ELL2: variants seen among roughly 807,000 people sequenced by gnomAD.
The protein encoded by ELL2 is RNA polymerase II elongation factor ELL2.
A neutral mutation model predicts 72.8 loss-of-function variants in ELL2; 21 were observed. The ratio of observed to expected loss-of-function variants is 0.29; its 90% CI spans 0.20 to 0.42. The LOEUF is 0.42. ELL2 is among the 10% of genes least tolerant of loss of function. The probability of loss-of-function intolerance (pLI) is 1.00; values close to 1 mark genes in which losing one functional copy is unlikely to be tolerated. For missense variants in ELL2, 568 were observed against 772.8 expected (o/e 0.73, Z 3.14); for synonymous variants, 266 against 283.2 (o/e 0.94, Z 0.61).
chr5:95,925,081 T>C (rs554757491), intron 2 of ELL2, among the ~76,000 whole-genome samples: 2 of 152,380 alleles, frequency 1.3e-5, no homozygotes, highest in African/African-American at 4.8e-5. Flanking sequence ...GATTGAGGTA[T>C]ACATTAGATT....
chr5:95,932,950 C>G (rs1440314211), intron 2 of ELL2, among the ~76,000 whole-genome samples: 1 of 152,158 alleles, frequency 6.6e-6, no homozygotes, highest in Non-Finnish European at 1.5e-5. Context: ...ATGAAAAACT[C>G]AAAACCACTC....
chr5:95,890,093 T>C (rs1428019990), intron 10 of ELL2, among the ~76,000 whole-genome samples: 1 of 152,176 alleles, frequency 6.6e-6, no homozygotes, highest in African/African-American at 2.4e-5. Flanking sequence ...CCTAACCAAG[T>C]AATCCTTGGA....
chr5:95,936,212 T>C (rs1047227044), intron 2 of ELL2, among the ~76,000 whole-genome samples: 2 of 152,222 alleles, frequency 1.3e-5, no homozygotes, highest in Non-Finnish European at 2.9e-5. Context: ...TAAATGTATT[T>C]GAAGGCCACT....
At position 95,920,389 on chromosome 5, in the gene ELL2, C is replaced by A. The variant is rs1270277502; in HGVS notation, c.196-844G>T. On this transcript the variant is annotated intron_variant, in intron 2 of 11. Transcript: ENST00000237853. Reference sequence around the variant, plus strand: ...GCAGTGGCGCGATCTTGGCTCACTGCAACCTCCACCTCCCCGGTTCAAGCA... The same window carrying A: ...GCAGTGGCGCGATCTTGGCTCACTGAAACCTCCACCTCCCCGGTTCAAGCA... 4.0e-5 allele frequency among the ~76,000 whole-genome samples: 6 copies of A among 151,740 alleles called. No homozygotes were observed. In the East Asian group the frequency reaches 1.2e-3, roughly 29 times the overall value.
intron 2 of ELL2, among the ~76,000 whole-genome samples, chr5:95,941,160 C>G (rs1561510992): frequency 6.6e-6 from 1 of 152,124 alleles, no homozygotes; most frequent in Non-Finnish European, 1.5e-5. Flanking sequence ...ATCCAATCAC[C>G]ATTTGCTTGG....
At chr5:95,894,164 C>T (rs1748775658) in intron 9 of ELL2, among the ~76,000 whole-genome samples, 1 of 152,130 alleles carries the variant, frequency 6.6e-6, no homozygotes, top group African/African-American at 2.4e-5. Context: ...CGCTTGAACC[C>T]TGGAGGTGGA....
chr5:95,932,617 T>C (rs1750637878), intron 2 of ELL2: 1 of 152,120 alleles, frequency 6.6e-6, no homozygotes, highest in Non-Finnish European at 1.5e-5. Context: ...TTTTATCCCC[T>C]GGCCAATAAC....
rs890403103 is a variant in ELL2 at position 95,886,623 on chromosome 5, G to A, written c.*2248C>T. The A allele has an allele frequency of 2.6e-5, 4 of 151,308 alleles. No individual in the cohort carries two copies. Among genetic ancestry groups the A allele is most frequent in the African/African-American group, 7.3e-5 (3 of 41,048 alleles). 9.4% of individuals were successfully genotyped at this position (151,308 alleles called of 1,614,324 possible). A position where few individuals can be genotyped will look rare whatever the true frequency, so the allele number is the denominator to read the frequency against. On this transcript the variant is annotated 3_prime_UTR_variant, in exon 12 of 12. Coordinates refer to ENST00000237853, the MANE Select transcript of ELL2 (RefSeq NM_012081.6). ...GGAGGTGCCTCAGATCATGCAAAGG[G>A]GAAAAGTGATTTGCACCTGCTGACA...
At chr5:95,948,066 C>T (rs1445408988) in intron 1 of ELL2, among the ~76,000 whole-genome samples, 1 of 152,018 alleles carries the variant, frequency 6.6e-6, no homozygotes, top group African/African-American at 2.4e-5. Context: ...TTAAAAGAAC[C>T]TCAAAGGCTT....
chr5:95,903,082 C>T (rs1218462909), intron 5 of ELL2, among the ~76,000 whole-genome samples: 2 of 151,830 alleles, frequency 1.3e-5, no homozygotes, highest in African/African-American at 4.8e-5. Context: ...CACTACGCCC[C>T]ACTGGCAATG....
intron 2 of ELL2, among the ~76,000 whole-genome samples, chr5:95,923,742 G>A (rs750058359): frequency 3.3e-5 from 5 of 152,152 alleles, no homozygotes; most frequent in Non-Finnish European, 7.3e-5. Flanking sequence ...AATGCAGATG[G>A]TATGGTCTGA....
At position 95,919,496 on chromosome 5, in the gene ELL2, T is replaced by A; in HGVS notation, c.245A>T (p.Asn82Ile). The change falls in exon 3 of 12, where the codon AAC becomes ATC. Residue 82 changes from asparagine to isoleucine, a missense_variant. Physicochemically the swap from Asn to Ile is moderately radical, Grantham distance 149 (BLOSUM62 -3). Around this residue, in one of 2 missense-constraint regions of ELL2, gnomAD observed 511 missense variants for 728.4 expected, o/e 0.70. Transcript: ENST00000237853. ...NDPLNEVHNF[N>I]FYLSNVGKDN... ...TTTGCCCACATTTGACAAATAAAAG[T>A]TAAAGTTATGAACTTCATTGAGGGG... 1 of 1,587,082 alleles carries A rather than the reference T, an allele frequency of 6.3e-7. No individual in the cohort carries two copies. The highest frequency in any genetic ancestry group is 8.5e-7 in the Non-Finnish European group (1 of 1,170,546).
At chr5:95,897,582 A>G (rs894880431) in intron 8 of ELL2, among the ~76,000 whole-genome samples, 1 of 152,212 alleles carries the variant, frequency 6.6e-6, no homozygotes, top group African/African-American at 2.4e-5. Flanking sequence ...AAGCTCCTAA[A>G]GCTTTGAAAT....
intron 2 of ELL2, among the ~76,000 whole-genome samples, chr5:95,939,494 C>T (rs1416202304): frequency 6.6e-6 from 1 of 152,166 alleles, no homozygotes; most frequent in Non-Finnish European, 1.5e-5. Context: ...ATTGATTAGG[C>T]TACCTGTTTA....
At chr5:95,907,867 G>A (rs1749436441) in intron 4 of ELL2, among the ~76,000 whole-genome samples, 1 of 152,186 alleles carries the variant, frequency 6.6e-6, no homozygotes, top group Non-Finnish European at 1.5e-5. Context: ...TATAAGCTGT[G>A]GTCTGGGGTG....
At chr5:95,933,073 C>T (rs1750653222) in intron 2 of ELL2, among the ~76,000 whole-genome samples, 1 of 151,164 alleles carries the variant, frequency 6.6e-6, no homozygotes, top group Non-Finnish European at 1.5e-5. Context: ...CGCTGTCAAA[C>T]AGTTTTTAGA....
chr5:95,944,811 T>C (rs1174988114), intron 1 of ELL2, among the ~76,000 whole-genome samples: 1 of 152,232 alleles, frequency 6.6e-6, no homozygotes, highest in Non-Finnish European at 1.5e-5. Flanking sequence ...CTTCCCTCCT[T>C]GAATTCTGGC....
chr5:95,889,834 C>T (rs567084407), intron 10 of ELL2, among the ~76,000 whole-genome samples: 6 of 147,776 alleles, frequency 4.1e-5, no homozygotes, highest in Admixed American at 2.1e-4. Flanking sequence ...CATAAACACA[C>T]TTCGAAAGAA....
At chr5:95,899,001 GAAC>G (rs1310875697) in intron 7 of ELL2, among the ~76,000 whole-genome samples, 191 bp from the exon 8 acceptor site, 11 of 152,046 alleles carry the variant, frequency 7.2e-5, no homozygotes, top group Non-Finnish European at 5.9e-5. Flanking sequence ...AACTAAACCA[GAAC>G]AACAACAACA....
Sources: gnomAD v4.1 joint callset for allele counts (sites outside exome capture counted in the v4.1 genomes callset) on GRCh38, gnomAD v4.1.1 for gene constraint, gnomAD v4.1.1 regional missense constraint, MANE v1.5 for transcripts, NCBI Gene and HGNC (gene_info 2026-07-23, HGNC 2026-07-21) for gene names.